PSMA8: variants seen among roughly 807,000 people sequenced by gnomAD.
PSMA8 encodes the protein proteasome subunit alpha-type 8.
A neutral mutation model predicts 32.4 loss-of-function variants in PSMA8; 18 were observed. The ratio of observed to expected loss-of-function variants is 0.56; its 90% CI spans 0.38 to 0.82. PSMA8 has a LOEUF of 0.82. Ranked by LOEUF, PSMA8 falls within the 40% of genes least tolerant of loss-of-function variation. The pLI, the probability that PSMA8 is intolerant of heterozygous loss-of-function variation, is 0.00. For synonymous variants in PSMA8, 104 were observed against 98.1 expected (o/e 1.06, Z -0.36); for missense variants, 298 against 300.7 (o/e 0.99, Z 0.07).
intron 2 of PSMA8, among the ~76,000 whole-genome samples, chr18:26,148,254 G>A (rs1407769271): frequency 6.6e-6 from 1 of 151,980 alleles, no homozygotes; most frequent in East Asian, 1.9e-4. Flanking sequence ...TATGAGCAGT[G>A]AGCAAAAATC....
At chr18:26,166,247 T>C (rs970019885) in intron 4 of PSMA8, among the ~76,000 whole-genome samples, 1 of 152,218 alleles carries the variant, frequency 6.6e-6, no homozygotes, top group Non-Finnish European at 1.5e-5. Context: ...CAGTAAAAAG[T>C]GGCAGATTTC....
intron 4 of PSMA8, among the ~76,000 whole-genome samples, chr18:26,173,699 G>T (rs1025226422): frequency 6.6e-6 from 1 of 151,990 alleles, no homozygotes; most frequent in East Asian, 1.9e-4. Flanking sequence ...TGGGATTACA[G>T]GCATGTGCCA....
intron 2 of PSMA8, among the ~76,000 whole-genome samples, chr18:26,150,541 C>T (rs1360409528): frequency 6.6e-6 from 1 of 152,032 alleles, no homozygotes; most frequent in Non-Finnish European, 1.5e-5. Flanking sequence ...GGTCTCTCTG[C>T]GTTGCTCAGG....
At position 26,178,952 on chromosome 18, in the gene PSMA8, A is replaced by T; in HGVS notation, c.597+3A>T. On this transcript the variant is annotated splice_donor_region_variant and intron_variant, in intron 5 of 6. Coordinates refer to ENST00000415576, the MANE Select transcript of PSMA8 (RefSeq NM_001025096.2). The stretch of plus-strand genomic sequence containing the variant: ...TAGCAATAAAAGCTTTGCTAGAAGT[A>T]AGTGATCTAATAAAGCATATTCAGG... 6.2e-7 allele frequency: 1 copy of T among 1,612,156 alleles called. No homozygotes were observed. The highest frequency in any genetic ancestry group is 1.1e-5 in the South Asian group (1 of 90,354).
chr18:26,151,699 C>T (rs991477027), intron 2 of PSMA8, 159 bp from the exon 3 acceptor site: 3 of 547,900 alleles, frequency 5.5e-6, no homozygotes, highest in Non-Finnish European at 9.1e-6. Context: ...GAATGTAGGA[C>T]AAATGACACT....
intron 1 of PSMA8, 36 bp downstream of exon 1, chr18:26,134,103 C>T (rs1189602431): frequency 6.6e-7 from 1 of 1,511,400 alleles, no homozygotes; most frequent in Non-Finnish European, 9.2e-7. Context: ...ATTCCCCGCT[C>T]TGACCTGTCA....
intron 6 of PSMA8, among the ~76,000 whole-genome samples, chr18:26,185,780 T>C (rs1344541993): frequency 6.6e-6 from 1 of 151,046 alleles, no homozygotes; most frequent in African/African-American, 2.4e-5. Context: ...TTTCAATGTA[T>C]ATAGAAATAG....
intron 3 of PSMA8, among the ~76,000 whole-genome samples, chr18:26,156,433 T>C (rs1466624799): frequency 2.6e-5 from 4 of 151,888 alleles, no homozygotes; most frequent in African/African-American, 9.7e-5. Context: ...GATAAATGGA[T>C]AAAGAAAATG....
At chr18:26,167,822 G>C (rs1010766405) in intron 4 of PSMA8, among the ~76,000 whole-genome samples, 7 of 151,600 alleles carry the variant, frequency 4.6e-5, no homozygotes, top group Non-Finnish European at 1.0e-4. Flanking sequence ...AATTTCTGTG[G>C]TTTATGCCAC....
rs145420521 is a variant in PSMA8, at chr18:26,155,908, C to T, written c.355-2214C>T. ...AAATATTTGCAAAATATTCATTTGA[C>T]AAGGGATTAATATCTGGAATGTACG... On this transcript the variant is annotated intron_variant, in intron 3 of 6. Transcript: ENST00000415576. Among the ~76,000 whole-genome samples, 374 of 152,236 alleles carry T rather than the reference C, an allele frequency of 2.5e-3. 2 individuals carry two copies. The highest frequency in any genetic ancestry group is 8.6e-3 in the African/African-American group (357 of 41,546).
Position 26,152,621 on chromosome 18 carries a change from G to A in PSMA8, c.354+639G>A, listed in dbSNP as rs2055055958. ...ATTATAGGCATGAGCCACGGTGCCT[G>A]GCCTGCATTATTCTTTTACCTGCAA... On this transcript the variant is annotated intron_variant, in intron 3 of 6. Coordinates refer to ENST00000415576, the MANE Select transcript of PSMA8 (RefSeq NM_001025096.2). Among the ~76,000 whole-genome samples the A allele has an allele frequency of 2.6e-5, 4 of 152,134 alleles. No individual in the cohort carries two copies. The South Asian group carries it at 8.3e-4, about 32-fold the overall frequency.
intron 3 of PSMA8, among the ~76,000 whole-genome samples, chr18:26,156,788 TTTG>T (rs906025312): frequency 2.7e-4 from 40 of 150,134 alleles, no homozygotes; most frequent in African/African-American, 9.0e-4. Context: ...CTATATAGAT[TTTG>T]TTGTTGTTTT....
chr18:26,154,153 C>A (rs1049232681), intron 3 of PSMA8, among the ~76,000 whole-genome samples: 1 of 152,188 alleles, frequency 6.6e-6, no homozygotes, highest in Admixed American at 6.5e-5. Context: ...CTGCCCGTCT[C>A]AGCCTCCCAA....
At chr18:26,165,951 A>C (rs1242658126) in intron 4 of PSMA8, among the ~76,000 whole-genome samples, 1 of 151,866 alleles carries the variant, frequency 6.6e-6, no homozygotes, top group Admixed American at 6.6e-5. Flanking sequence ...AAATACAAAA[A>C]ATTAGCTGTT....
chr18:26,143,205 A>G (rs535921354), intron 1 of PSMA8, among the ~76,000 whole-genome samples: 2 of 152,248 alleles, frequency 1.3e-5, no homozygotes, highest in South Asian at 4.2e-4. Context: ...GCCACTCTAT[A>G]TGGAGTTTGT....
intron 4 of PSMA8, among the ~76,000 whole-genome samples, chr18:26,172,281 A>G (rs1466645544): frequency 6.6e-6 from 1 of 152,230 alleles, no homozygotes; most frequent in Non-Finnish European, 1.5e-5. Flanking sequence ...AGGGAACAGA[A>G]AACTTCTTAT....
intron 2 of PSMA8, among the ~76,000 whole-genome samples, chr18:26,148,688 A>C (rs561776994): frequency 1.3e-5 from 2 of 152,302 alleles, no homozygotes; most frequent in South Asian, 4.1e-4. Context: ...AAGAAAAATA[A>C]ATAAAGGTAT....
chr18:26,183,782 T>C (rs1735705429), intron 6 of PSMA8, among the ~76,000 whole-genome samples: 1 of 150,776 alleles, frequency 6.6e-6, no homozygotes, highest in Non-Finnish European at 1.5e-5. Flanking sequence ...GTGAGTAAAA[T>C]GCTATCAAAC....
intron 3 of PSMA8, among the ~76,000 whole-genome samples, chr18:26,155,078 T>TA (rs1202343371): frequency 4.3e-4 from 65 of 151,264 alleles, no homozygotes; most frequent in Admixed American, 1.2e-3. Flanking sequence ...CTACAAAAAA[T>TA]AAAAAAAACA....
Sources: gnomAD v4.1 joint callset for allele counts (sites outside exome capture counted in the v4.1 genomes callset) on GRCh38, gnomAD v4.1.1 for gene constraint, MANE v1.5 for transcripts, NCBI Gene and HGNC (gene_info 2026-07-23, HGNC 2026-07-21) for gene names.